Variants in SOS2 observed in about 807,000 individuals in gnomAD.
SOS2 encodes SOS Ras/Rho guanine nucleotide exchange factor 2.
In SOS2, 65 loss-of-function variants were observed where a neutral mutation model predicts 148.2. The ratio of observed to expected loss-of-function variants is 0.44; its 90% CI spans 0.36 to 0.54. The LOEUF is 0.54. Ranked by LOEUF, SOS2 falls within the 20% of genes least tolerant of loss-of-function variation. The pLI, the probability that SOS2 is intolerant of heterozygous loss-of-function variation, is 0.00. For missense variants in SOS2, 1,341 were observed against 1,590.2 expected, an observed-to-expected ratio of 0.84 and a Z score of 2.67; for synonymous variants, 539 against 537.1, an observed-to-expected ratio of 1.00 and a Z score of -0.05.
Position 50,145,158 on chromosome 14 carries a change from C to A in SOS2, c.2667+12G>T. The A allele has an allele frequency of 1.4e-6, 2 of 1,404,944 alleles. No individual in the cohort carries two copies. The highest frequency in any genetic ancestry group is 1.5e-5 in the African/African-American group (1 of 67,526). 87.0% of individuals were successfully genotyped at this position (1,404,944 alleles called of 1,614,324 possible). A position where few individuals can be genotyped will look rare whatever the true frequency, so the allele number is the denominator to read the frequency against. Reference sequence around the variant, plus strand: ...CCCCGAGAAAAATGAAAAAGTTAAGCCTAAAACTTACCTCAAAGGTATGGT... The same window carrying A: ...CCCCGAGAAAAATGAAAAAGTTAAGACTAAAACTTACCTCAAAGGTATGGT... On this transcript the variant is annotated intron_variant, in intron 16 of 22. Transcript: ENST00000216373.
intron 4 of SOS2, among the ~76,000 whole-genome samples, chr14:50,194,102 T>C (rs1886242326): frequency 6.6e-6 from 1 of 152,176 alleles, no homozygotes; most frequent in South Asian, 2.1e-4. Flanking sequence ...TAGGGGATCA[T>C]GACAGGAATG....
At position 50,188,719 on chromosome 14, in the gene SOS2, T is replaced by C. The variant is rs1408575749; in HGVS notation, c.511-19A>G. 1.3e-6 allele frequency: 2 copies of C among 1,507,066 alleles called. No individual in the cohort carries two copies. The highest frequency in any genetic ancestry group is 1.8e-6 in the Non-Finnish European group (2 of 1,104,112). The allele number at this position is 1,507,066 out of a possible 1,614,324, so 93.4% of individuals were successfully genotyped here. A position where few individuals can be genotyped will look rare whatever the true frequency, so the allele number is the denominator to read the frequency against. Reference sequence around the variant, plus strand: ...TCAAAACCTGAGAAACAGAAATCAATAATGTATAAATTTATTTTCTTTACT... The same window carrying C: ...TCAAAACCTGAGAAACAGAAATCAACAATGTATAAATTTATTTTCTTTACT... On this transcript the variant is annotated intron_variant, in intron 4 of 22. Transcript: ENST00000216373.
At chr14:50,137,648 A>C (rs975800629) in intron 18 of SOS2, among the ~76,000 whole-genome samples, 1 of 151,616 alleles carries the variant, frequency 6.6e-6, no homozygotes, top group African/African-American at 2.4e-5. Flanking sequence ...AAGATCTAAA[A>C]TTTTTTTTTA....
intron 19 of SOS2, 105 bp downstream of exon 19, chr14:50,134,018 T>G: frequency 1.4e-6 from 1 of 732,726 alleles, no homozygotes; most frequent in Non-Finnish European, 2.5e-6. Context: ...ACAAAACACC[T>G]AGGAACAGCC....
chr14:50,183,475 T>G (rs1177717900), intron 5 of SOS2, among the ~76,000 whole-genome samples: 2 of 151,690 alleles, frequency 1.3e-5, no homozygotes, highest in East Asian at 3.9e-4. Context: ...AAATCAATCA[T>G]GAACAGGAAG....
intron 14 of SOS2, among the ~76,000 whole-genome samples, chr14:50,147,510 T>C (rs1267239330): frequency 1.4e-5 from 1 of 72,804 alleles, no homozygotes; most frequent in Non-Finnish European, 2.8e-5. Flanking sequence ...AGACCCTGTT[T>C]CTAAAAAAAA....
intron 1 of SOS2, among the ~76,000 whole-genome samples, chr14:50,210,781 T>C (rs527890023): frequency 6.6e-6 from 1 of 152,128 alleles, no homozygotes; most frequent in South Asian, 2.1e-4. Context: ...AGCCTATATA[T>C]ATATTAAAAA....
At chr14:50,227,163 A>G (rs1887402042) in intron 1 of SOS2, among the ~76,000 whole-genome samples, 1 of 152,196 alleles carries the variant, frequency 6.6e-6, no homozygotes, top group Non-Finnish European at 1.5e-5. Flanking sequence ...GCAAAAAGCT[A>G]AAGAACACCA....
chr14:50,161,441 A>C (rs376192991), intron 9 of SOS2, 41 bp downstream of exon 9: 3 of 1,554,838 alleles, frequency 1.9e-6, no homozygotes, highest in Middle Eastern at 1.7e-4. Flanking sequence ...GAGACAGCGA[A>C]GTAAGCAGAG....
intron 1 of SOS2, among the ~76,000 whole-genome samples, chr14:50,217,917 T>G (rs73291657): frequency 0.22 from 32,728 of 151,662 alleles, 3,880 homozygotes; most frequent in East Asian, 0.44. Flanking sequence ...ATCGTGCCAC[T>G]GCACTCCAGC....
rs149861933 is a variant in SOS2 at position 50,158,254 on chromosome 14, T to C, written c.1934+311A>G. The stretch of plus-strand genomic sequence containing the variant: ...GTCCAAAAAAAAAAATAGTGGTAAG[T>C]AGAAAAGTCTCTTTTAAGAAAATAT... On this transcript the variant is annotated intron_variant, in intron 11 of 22. Coordinates refer to ENST00000216373, the MANE Select transcript of SOS2 (RefSeq NM_006939.4). Among the ~76,000 whole-genome samples, 440 of 152,108 alleles carry C rather than the reference T, an allele frequency of 2.9e-3. 6 individuals carry two copies. Among genetic ancestry groups the C allele is most frequent in the African/African-American group, 0.01 (418 of 41,528 alleles).
chr14:50,205,826 A>C (rs991392071), intron 1 of SOS2, among the ~76,000 whole-genome samples: 27 of 151,534 alleles, frequency 1.8e-4, no homozygotes, highest in Admixed American at 3.3e-4. Flanking sequence ...AGGCTGAGGC[A>C]GGAGGATTGC....
intron 4 of SOS2, among the ~76,000 whole-genome samples, chr14:50,197,616 A>G (rs1886352651): frequency 6.6e-6 from 1 of 151,994 alleles, no homozygotes; most frequent in African/African-American, 2.4e-5. Flanking sequence ...TCTCTCCCCA[A>G]CCACAGGATT....
intron 14 of SOS2, among the ~76,000 whole-genome samples, chr14:50,145,989 C>T (rs563569148): frequency 1.0e-3 from 155 of 151,852 alleles, no homozygotes; most frequent in Non-Finnish European, 1.5e-3. Context: ...CAAAATTAGC[C>T]GGGCATGGTG....
At chr14:50,193,366 C>A (rs1886214786) in intron 4 of SOS2, among the ~76,000 whole-genome samples, 1 of 151,938 alleles carries the variant, frequency 6.6e-6, no homozygotes, top group South Asian at 2.1e-4. Context: ...ACATCAATTT[C>A]CTTCTTAAGC....
At chr14:50,133,116 A>G (rs1477304848) in intron 19 of SOS2, among the ~76,000 whole-genome samples, 2 of 152,112 alleles carry the variant, frequency 1.3e-5, no homozygotes, top group East Asian at 3.8e-4. Flanking sequence ...AGCGCTTACA[A>G]AAGTGTCCTG....
intron 4 of SOS2, among the ~76,000 whole-genome samples, chr14:50,195,428 A>G (rs918218260): frequency 6.6e-6 from 1 of 152,186 alleles, no homozygotes; most frequent in Non-Finnish European, 1.5e-5. Context: ...GATTTAGGAC[A>G]TGGAAAAATG....
At chr14:50,159,282 C>T in intron 10 of SOS2, 149 bp downstream of exon 10, 3 of 523,810 alleles carry the variant, frequency 5.7e-6, no homozygotes, top group South Asian at 3.6e-5. Context: ...CCTTTAATTC[C>T]TTCTCTTATT....
chr14:50,231,133 G>A, intron 1 of SOS2, 64 bp downstream of exon 1: 1 of 1,030,860 alleles, frequency 9.7e-7, no homozygotes, highest in Non-Finnish European at 1.3e-6. Context: ...GGGACGACCT[G>A]CTCCCCGTTA....
Sources: allele counts gnomAD v4.1 joint callset (sites outside exome capture counted in the v4.1 genomes callset), GRCh38; gene constraint gnomAD v4.1.1; transcripts MANE v1.5; gene names NCBI Gene and HGNC (gene_info 2026-07-23, HGNC 2026-07-21).